COLEC12: variants seen among roughly 807,000 people sequenced by gnomAD.
The protein encoded by COLEC12 is collectin-12.
A neutral mutation model predicts 71.1 loss-of-function variants in COLEC12; 33 were observed. The observed-to-expected ratio is 0.46, with a 90% CI of 0.35 to 0.62. The LOEUF (loss-of-function observed/expected upper bound fraction) is 0.62. Ranked by LOEUF, COLEC12 falls within the 20% of genes least tolerant of loss-of-function variation. The pLI, the probability that COLEC12 is intolerant of heterozygous loss-of-function variation, is 0.00. For synonymous variants in COLEC12, 350 were observed against 353.0 expected (o/e 0.99, Z 0.10); for missense variants, 765 against 916.1 (o/e 0.84, Z 2.13).
chr18:352,860 A>C (rs553280837), intron 3 of COLEC12, among the ~76,000 whole-genome samples: 33 of 152,342 alleles, frequency 2.2e-4, no homozygotes, highest in Admixed American at 1.8e-3. Flanking sequence ...CATAGACCTC[A>C]GTTTGCAGAC....
chr18:428,156 C>G (rs1286224127), intron 2 of COLEC12, among the ~76,000 whole-genome samples: 1 of 151,814 alleles, frequency 6.6e-6, no homozygotes, highest in Non-Finnish European at 1.5e-5. Context: ...CCCAGCTACT[C>G]GGGAGGCTGA....
At chr18:444,773 T>A (rs765188476) in intron 2 of COLEC12, among the ~76,000 whole-genome samples, 1 of 152,222 alleles carries the variant, frequency 6.6e-6, no homozygotes, top group South Asian at 2.1e-4. Flanking sequence ...TGACGTGATA[T>A]TTCCATATTA....
intron 1 of COLEC12, among the ~76,000 whole-genome samples, chr18:498,375 T>TC: frequency 6.7e-6 from 1 of 149,334 alleles, no homozygotes. Flanking sequence ...TTTTTTTTTT[T>TC]TTAGACGGAG....
intron 2 of COLEC12, among the ~76,000 whole-genome samples, chr18:396,751 C>T (rs1300678947): frequency 1.3e-5 from 2 of 152,226 alleles, no homozygotes; most frequent in South Asian, 2.1e-4. Flanking sequence ...TTGGCAAGAG[C>T]TCATAGGCCT....
chr18:400,777 G>A (rs1339361912), intron 2 of COLEC12, among the ~76,000 whole-genome samples: 1 of 152,202 alleles, frequency 6.6e-6, no homozygotes, highest in Non-Finnish European at 1.5e-5. Flanking sequence ...GTGACTGGCT[G>A]TTTTAAAGAT....
At chr18:466,097 G>C (rs1309466679) in intron 2 of COLEC12, among the ~76,000 whole-genome samples, 1 of 151,890 alleles carries the variant, frequency 6.6e-6, no homozygotes, top group Non-Finnish European at 1.5e-5. Context: ...AAACTTAGCT[G>C]GGCACAGTGG....
chr18:424,369 G>GC (rs756424478), intron 2 of COLEC12: 2 of 152,182 alleles, frequency 1.3e-5, no homozygotes, highest in African/African-American at 4.8e-5. Flanking sequence ...CATAGCTTTT[G>GC]CCCCCACATT....
intron 2 of COLEC12, among the ~76,000 whole-genome samples, chr18:443,136 C>T (rs1427381944): frequency 6.6e-6 from 1 of 152,100 alleles, no homozygotes; most frequent in East Asian, 1.9e-4. Flanking sequence ...TTATATGGTA[C>T]ATGAAAAATA....
intron 2 of COLEC12, among the ~76,000 whole-genome samples, chr18:400,178 ATCTGGATAATC>A (rs1915654187): frequency 6.6e-6 from 1 of 152,118 alleles, no homozygotes. Flanking sequence ...AAAAATTCTA[ATCTGGATAATC>A]TCTGGATACT....
chr18:331,833 C>A, intron 7 of COLEC12, 56 bp from the exon 8 acceptor site: 2 of 1,036,620 alleles, frequency 1.9e-6, no homozygotes, highest in Non-Finnish European at 3.0e-6. Flanking sequence ...ATGTCTCAGG[C>A]CTTTTTCTTT....
At chr18:373,292 C>T (rs987454525) in intron 2 of COLEC12, among the ~76,000 whole-genome samples, 9 of 152,086 alleles carry the variant, frequency 5.9e-5, no homozygotes, top group African/African-American at 2.2e-4. Context: ...TTTTCCTCCA[C>T]AGTGACCGCT....
intron 2 of COLEC12, among the ~76,000 whole-genome samples, chr18:463,123 T>C (rs1485731325): frequency 1.3e-5 from 2 of 152,332 alleles, no homozygotes; most frequent in Non-Finnish European, 2.9e-5. Context: ...GGCCTCCTCC[T>C]TAGGCTTCGT....
intron 7 of COLEC12, among the ~76,000 whole-genome samples, 174 bp from the exon 8 acceptor site, chr18:331,951 T>G (rs1913993376): frequency 6.6e-6 from 1 of 152,186 alleles, no homozygotes; most frequent in African/African-American, 2.4e-5. Context: ...TTTTGTGCTG[T>G]TTGGGGGGCT....
intron 9 of COLEC12, 93 bp from the exon 10 acceptor site, chr18:320,157 C>A: frequency 2.7e-6 from 2 of 745,916 alleles, no homozygotes; most frequent in Non-Finnish European, 4.7e-6. Context: ...TTTTATAGGA[C>A]AGTGTCTAAA....
chr18:410,469 G>A (rs986608265), intron 2 of COLEC12, among the ~76,000 whole-genome samples: 2 of 150,708 alleles, frequency 1.3e-5, no homozygotes, highest in Non-Finnish European at 2.9e-5. Context: ...GACGGAGTCC[G>A]CTCTTGTTGC....
At position 340,074 on chromosome 18, in the gene COLEC12, C is replaced by CAAAAAAAAAAAAAAAAA. The variant is rs60991743; in HGVS notation, c.1328-4861_1328-4845dup. 3.5e-4 allele frequency among the ~76,000 whole-genome samples: 33 copies of CAAAAAAAAAAAAAAAAA among 94,202 alleles called. 1 individual carries two copies. The highest frequency in any genetic ancestry group is 4.8e-4 in the Non-Finnish European group (24 of 49,866). The allele number at this position is 94,202 out of a possible 152,430, so 61.8% of individuals were successfully genotyped here. The stretch of plus-strand genomic sequence containing the variant: ...AGAAGCTACCCTTAGTGCCTGAAAG[C>CAAAAAAAAAAAAAAAAA]AAAAAAAAAAAAAAAAACAAAAAGA... On this transcript the variant is annotated intron_variant, in intron 5 of 9. Coordinates refer to ENST00000400256, the MANE Select transcript of COLEC12 (RefSeq NM_130386.3).
At chr18:350,899 G>T (rs1251729095) in intron 3 of COLEC12, among the ~76,000 whole-genome samples, 1 of 149,906 alleles carries the variant, frequency 6.7e-6, no homozygotes, top group Non-Finnish European at 1.5e-5. Flanking sequence ...AGTGGAGGTT[G>T]CAGTGAGCCG....
intron 2 of COLEC12, among the ~76,000 whole-genome samples, chr18:409,078 C>T (rs1368595169): frequency 4.0e-5 from 6 of 151,470 alleles, no homozygotes; most frequent in East Asian, 3.9e-4. Context: ...TCAAGTGATC[C>T]GCCTGCCTCA....
intron 2 of COLEC12, among the ~76,000 whole-genome samples, chr18:403,376 C>G (rs1915725424): frequency 6.6e-6 from 1 of 152,110 alleles, no homozygotes; most frequent in Non-Finnish European, 1.5e-5. Flanking sequence ...ACTGGGTAAA[C>G]AGTAGGTCAT....
Sources: gnomAD v4.1 joint callset for allele counts (sites outside exome capture counted in the v4.1 genomes callset) on GRCh38, gnomAD v4.1.1 for gene constraint, MANE v1.5 for transcripts, NCBI Gene and HGNC (gene_info 2026-07-23, HGNC 2026-07-21) for gene names.